Variants in UCHL5 observed in about 807,000 individuals in gnomAD.
The protein encoded by UCHL5 is ubiquitin carboxyl-terminal hydrolase isozyme L5.
Under a neutral mutation model 53.8 loss-of-function variants are expected in UCHL5, and 34 were observed. The ratio of observed to expected loss-of-function variants is 0.63; its 90% CI spans 0.48 to 0.84. UCHL5 has a LOEUF of 0.84. Ranked by LOEUF, UCHL5 falls within the 40% of genes least tolerant of loss-of-function variation. UCHL5 has a pLI of 0.00. For synonymous variants in UCHL5, 111 were observed against 126.3 expected (o/e 0.88, Z 0.81); for missense variants, 290 against 385.6 (o/e 0.75, Z 2.08).
intron 3 of UCHL5, among the ~76,000 whole-genome samples, chr1:193,043,817 C>T (rs1420075773): frequency 6.6e-6 from 1 of 152,158 alleles, no homozygotes; most frequent in East Asian, 1.9e-4. Flanking sequence ...CATAGCATTG[C>T]CAGAATAGTG....
At chr1:193,044,231 C>CT (rs1471002391) in intron 3 of UCHL5, among the ~76,000 whole-genome samples, 5 of 152,166 alleles carry the variant, frequency 3.3e-5, no homozygotes, top group African/African-American at 1.2e-4. Context: ...CCACGAAACT[C>CT]TAAGCATATT....
intron 3 of UCHL5, among the ~76,000 whole-genome samples, chr1:193,049,159 T>G (rs904977544): frequency 3.3e-5 from 5 of 152,124 alleles, no homozygotes; most frequent in African/African-American, 9.7e-5. Context: ...ACGCCTGTAA[T>G]CCCAGCACTT....
At chr1:193,047,538 TTAC>T (rs1458253922) in intron 3 of UCHL5, among the ~76,000 whole-genome samples, 1 of 152,060 alleles carries the variant, frequency 6.6e-6, no homozygotes, top group Non-Finnish European at 1.5e-5. Context: ...AGAAAACAAG[TTAC>T]TTAGTAGCAA....
At chr1:193,059,842 C>G, upstream of UCHL5, 1 of 1,361,664 alleles carries the variant, frequency 7.3e-7, no homozygotes, top group South Asian at 1.1e-5. The surrounding 1 kb of genome is among the most constrained non-coding windows in gnomAD (Gnocchi z 4.9). Flanking sequence ...CAAATTCTGA[C>G]CAGTCCTCCA....
upstream of UCHL5, chr1:193,059,470 T>C (rs748755345): frequency 3.7e-6 from 6 of 1,603,770 alleles, no homozygotes; most frequent in East Asian, 2.3e-5. The surrounding 1 kb of genome is among the most constrained non-coding windows in gnomAD (Gnocchi z 4.9). Context: ...ATCGAAACTC[T>C]TCCCAGGCCT....
In UCHL5 at chr1:193,015,529, T is replaced by A. The variant is rs1654764691; in HGVS notation, c.*822A>T. 2 of 151,970 alleles carry A rather than the reference T, an allele frequency of 1.3e-5. No individual in the cohort carries two copies. The highest frequency in any genetic ancestry group is 1.3e-4 in the Admixed American group (2 of 15,218). 9.4% of individuals were successfully genotyped at this position (151,970 alleles called of 1,614,324 possible). On this transcript the variant is annotated 3_prime_UTR_variant, in exon 11 of 11. Transcript: ENST00000367454. Reference sequence around the variant, plus strand: ...TCAAATTGGCATAGAAAGACCCCCATCACCACTACCATCTTTTTAAAAAAG... The same window carrying A: ...TCAAATTGGCATAGAAAGACCCCCAACACCACTACCATCTTTTTAAAAAAG...
At chr1:193,025,245 C>A (rs549649162) in intron 7 of UCHL5, among the ~76,000 whole-genome samples, 4 of 152,286 alleles carry the variant, frequency 2.6e-5, no homozygotes, top group African/African-American at 7.2e-5. Flanking sequence ...CCACTATAGC[C>A]AAACATGATT....
At chr1:193,028,902 T>C (rs1210065801) in intron 6 of UCHL5, among the ~76,000 whole-genome samples, 1 of 152,176 alleles carries the variant, frequency 6.6e-6, no homozygotes, top group Non-Finnish European at 1.5e-5. Context: ...GGGTAGTTTT[T>C]AAATGTTAAA....
intron 9 of UCHL5, 73 bp downstream of exon 9, chr1:193,022,853 T>A (rs1429445857): frequency 9.6e-7 from 1 of 1,038,392 alleles, no homozygotes; most frequent in Admixed American, 1.9e-5. Flanking sequence ...CCATCAGATA[T>A]TCAATGTACC....
intron 10 of UCHL5, 109 bp downstream of exon 10, chr1:193,020,988 G>T: frequency 1.4e-6 from 1 of 734,644 alleles, no homozygotes; most frequent in Non-Finnish European, 2.2e-6. Context: ...GAATAAAAAC[G>T]TACAAGCTTC....
chr1:193,026,539 A>G (rs1659307715), intron 7 of UCHL5, among the ~76,000 whole-genome samples: 1 of 152,214 alleles, frequency 6.6e-6, no homozygotes, highest in African/African-American at 2.4e-5. Flanking sequence ...TTAAAACCAC[A>G]ATGAAGTATC....
chr1:193,038,173 T>C (rs900006224), intron 3 of UCHL5, among the ~76,000 whole-genome samples: 7 of 152,122 alleles, frequency 4.6e-5, no homozygotes, highest in African/African-American at 1.4e-4. Context: ...GTTAAAGTCT[T>C]AGGCCGGGCA....
intron 3 of UCHL5, among the ~76,000 whole-genome samples, chr1:193,046,889 T>C (rs1434890201): frequency 6.6e-6 from 1 of 151,580 alleles, no homozygotes; most frequent in African/African-American, 2.4e-5. Context: ...CAAACAAAAT[T>C]ATAAGGAAAA....
chr1:193,049,676 G>A (rs1441251990), intron 3 of UCHL5, 70 bp downstream of exon 3: 14 of 1,240,352 alleles, frequency 1.1e-5, no homozygotes, highest in Non-Finnish European at 1.6e-5. Context: ...GTAGCAAACA[G>A]TAGTAAACTA....
chr1:193,013,945 G>C lies in UCHL5; in HGVS notation c.*2406C>G, dbSNP rs1335354407. 6.6e-6 allele frequency: 1 copy of C among 152,102 alleles called. No individual in the cohort carries two copies. The highest frequency in any genetic ancestry group is 2.4e-5 in the African/African-American group (1 of 41,420). 9.4% of individuals were successfully genotyped at this position (152,102 alleles called of 1,614,324 possible). A position where few individuals can be genotyped will look rare whatever the true frequency, so the allele number is the denominator to read the frequency against. On this transcript the variant is annotated 3_prime_UTR_variant, in exon 11 of 11. Transcript: ENST00000367454. Reference sequence around the variant, plus strand: ...GGTGAGAGTAGCCAGTGCCGCAGCTGTTGGCAAGGTTTTTGTTGATAATAA... The same window carrying C: ...GGTGAGAGTAGCCAGTGCCGCAGCTCTTGGCAAGGTTTTTGTTGATAATAA...
At chr1:193,027,720 C>T (rs1052190020) in intron 7 of UCHL5, among the ~76,000 whole-genome samples, 3 of 152,012 alleles carry the variant, frequency 2.0e-5, no homozygotes, top group African/African-American at 7.2e-5. Context: ...AATTATCTAA[C>T]TTAATGGAAA....
At chr1:193,019,954 T>C in intron 10 of UCHL5, 5 of 982,392 alleles carry the variant, frequency 5.1e-6, no homozygotes, top group South Asian at 4.7e-5. Flanking sequence ...GAAAAACATT[T>C]GATATGATTA....
rs1353233586 is a variant in UCHL5, at chr1:193,059,098, G to A, written c.76+87C>T. 21 of 1,372,666 alleles carry A rather than the reference G, an allele frequency of 1.5e-5. No homozygotes were observed. The highest frequency in any genetic ancestry group is 5.9e-5 in the Admixed American group (2 of 33,922). 85.0% of individuals were successfully genotyped at this position (1,372,666 alleles called of 1,614,324 possible). A position where few individuals can be genotyped will look rare whatever the true frequency, so the allele number is the denominator to read the frequency against. On this transcript the variant is annotated intron_variant, in intron 1 of 10. Coordinates refer to ENST00000367454, the MANE Select transcript of UCHL5 (RefSeq NM_001199261.3). This position sits in a 1 kb window ranked among gnomAD's most constrained non-coding sequence, Gnocchi z 4.9. ...CTGAAGTCACCTCTCCAGACGCGGG[G>A]CGGCGGTGGCCGCAGGGAACCACTC...
At chr1:193,031,065 C>T (rs908575620) in intron 3 of UCHL5, among the ~76,000 whole-genome samples, 1 of 152,288 alleles carries the variant, frequency 6.6e-6, no homozygotes, top group East Asian at 1.9e-4. Context: ...TTGCTGCTGA[C>T]TTATACGAAT....
Sources: allele counts gnomAD v4.1 joint callset (sites outside exome capture counted in the v4.1 genomes callset), GRCh38; gene constraint gnomAD v4.1.1; non-coding constraint Gnocchi (gnomAD v3.1); transcripts MANE v1.5; gene names NCBI Gene and HGNC (gene_info 2026-07-23, HGNC 2026-07-21).